Variants in TRAPPC12 observed in about 807,000 individuals in gnomAD.
The protein encoded by TRAPPC12 is TPR repeat protein 15.
Under a neutral mutation model 69.2 loss-of-function variants are expected in TRAPPC12, and 61 were observed. That is an observed-to-expected ratio of 0.88 (90% confidence interval 0.72 to 1.09). The LOEUF is 1.09. TRAPPC12 is among the 50% of genes least tolerant of loss of function. The pLI is 0.00. For missense variants in TRAPPC12, 1,101 were observed against 1,016.4 expected (o/e 1.08, Z -1.13); for synonymous variants, 469 against 438.9 (o/e 1.07, Z -0.86).
chr2:3,438,221 C>T (rs1382508997), intron 5 of TRAPPC12, among the ~76,000 whole-genome samples: 5 of 114,896 alleles, frequency 4.4e-5, no homozygotes, highest in Non-Finnish European at 7.2e-5. Flanking sequence ...TCCCCCACCA[C>T]CCCTGGATTC....
At chr2:3,391,669 T>G (rs1660829527) in intron 2 of TRAPPC12, among the ~76,000 whole-genome samples, 1 of 152,232 alleles carries the variant, frequency 6.6e-6, no homozygotes, top group South Asian at 2.1e-4. Flanking sequence ...TGCAGGATCT[T>G]TTTAATGAAT....
At chr2:3,395,560 C>CTTTTTTTTT (rs10671671) in intron 2 of TRAPPC12, among the ~76,000 whole-genome samples, 3 of 118,148 alleles carry the variant, frequency 2.5e-5, no homozygotes, top group East Asian at 2.4e-4. Flanking sequence ...AAAATTATTA[C>CTTTTTTTTT]TTTTTTTTTT....
At chr2:3,382,280 G>A (rs940512943) in intron 1 of TRAPPC12, among the ~76,000 whole-genome samples, 7 of 151,794 alleles carry the variant, frequency 4.6e-5, no homozygotes, top group Non-Finnish European at 7.4e-5. Flanking sequence ...GACTACAGGC[G>A]CCCGCCACCA....
chr2:3,423,837 A>G (rs1451517587), intron 4 of TRAPPC12, among the ~76,000 whole-genome samples: 2 of 152,206 alleles, frequency 1.3e-5, no homozygotes, highest in African/African-American at 4.8e-5. Context: ...CTGGCTCTGC[A>G]GCTGTCTAAT....
chr2:3,430,913 G>T (rs148637027), intron 5 of TRAPPC12, among the ~76,000 whole-genome samples: 2 of 151,402 alleles, frequency 1.3e-5, no homozygotes, highest in African/African-American at 2.4e-5. Context: ...TGCTGGGACC[G>T]TCCACTGGGT....
intron 5 of TRAPPC12, among the ~76,000 whole-genome samples, chr2:3,437,015 C>A (rs1166370702): frequency 2.3e-5 from 1 of 44,136 alleles, no homozygotes; most frequent in African/African-American, 1.1e-4. Flanking sequence ...TGGATTAATA[C>A]CCCATCACCC....
At chr2:3,388,968 G>A in intron 2 of TRAPPC12, 1 of 324,416 alleles carries the variant, frequency 3.1e-6, no homozygotes, top group Non-Finnish European at 5.5e-6. Flanking sequence ...TTTGACATTT[G>A]AACTCCAGTT....
intron 9 of TRAPPC12, among the ~76,000 whole-genome samples, chr2:3,466,920 A>G (rs1240355081): frequency 6.6e-6 from 1 of 152,230 alleles, no homozygotes; most frequent in Non-Finnish European, 1.5e-5. Flanking sequence ...CCTGGTTATC[A>G]TAGTAAAATA....
At chr2:3,460,205 A>G (rs1665407955) in intron 7 of TRAPPC12, 58 bp from the exon 8 acceptor site, 1 of 867,972 alleles carries the variant, frequency 1.2e-6, no homozygotes, top group Non-Finnish European at 2.0e-6. Flanking sequence ...CCAGTAATTG[A>G]GGGCTAGAAA....
intron 1 of TRAPPC12, among the ~76,000 whole-genome samples, chr2:3,380,147 G>A (rs1270093839): frequency 2.6e-5 from 4 of 152,194 alleles, no homozygotes; most frequent in Non-Finnish European, 2.9e-5. Flanking sequence ...TTGCGGGAAG[G>A]GGAAGCTGCT....
chr2:3,444,274 C>A (rs1192545867), intron 6 of TRAPPC12, among the ~76,000 whole-genome samples: 1 of 152,266 alleles, frequency 6.6e-6, no homozygotes, highest in Admixed American at 6.5e-5. Context: ...CGGAGCAGTA[C>A]TGAAAGCAAT....
chr2:3,457,919 G>T, intron 7 of TRAPPC12: 1 of 1,407,602 alleles, frequency 7.1e-7, no homozygotes, highest in South Asian at 1.6e-5. Context: ...CGCCCGGGGA[G>T]AAGACACGCC....
At chr2:3,421,601 C>T (rs766875581) in intron 3 of TRAPPC12, 38 of 649,170 alleles carry the variant, frequency 5.9e-5, no homozygotes, top group Admixed American at 1.3e-4. Context: ...AGCCTCTTCC[C>T]GATGTTCTAT....
At chr2:3,450,817 G>A (rs1396054995) in intron 6 of TRAPPC12, among the ~76,000 whole-genome samples, 1 of 152,060 alleles carries the variant, frequency 6.6e-6, no homozygotes, top group Non-Finnish European at 1.5e-5. Context: ...CAGCTTCCCA[G>A]TAGTTTGTAT....
intron 2 of TRAPPC12, among the ~76,000 whole-genome samples, chr2:3,395,942 C>G (rs1661104174): frequency 6.6e-6 from 1 of 152,156 alleles, no homozygotes; most frequent in Non-Finnish European, 1.5e-5. Flanking sequence ...GTTGGTCAGG[C>G]TGGTCTCAAT....
chr2:3,410,149 C>T (rs1392703119), intron 3 of TRAPPC12, among the ~76,000 whole-genome samples: 1 of 152,222 alleles, frequency 6.6e-6, no homozygotes. Context: ...GACTGCATGT[C>T]ATTTATAGAC....
intron 6 of TRAPPC12, among the ~76,000 whole-genome samples, chr2:3,453,581 A>G (rs565812789): frequency 4.0e-5 from 6 of 151,842 alleles, no homozygotes; most frequent in African/African-American, 1.2e-4. Flanking sequence ...TCATGCCCCT[A>G]CTCCTCAGAG....
intron 1 of TRAPPC12, among the ~76,000 whole-genome samples, chr2:3,382,166 T>C (rs1660242455): frequency 6.7e-6 from 1 of 149,718 alleles, no homozygotes; most frequent in Non-Finnish European, 1.5e-5. Flanking sequence ...GATGGAGTCT[T>C]ATTCTGCCGC....
At chr2:3,444,198 G>A (rs1321674014) in intron 6 of TRAPPC12, among the ~76,000 whole-genome samples, 1 of 152,244 alleles carries the variant, frequency 6.6e-6, no homozygotes, top group Admixed American at 6.5e-5. Context: ...TTCAAGGTCA[G>A]TGTGCCAGAC....
Sources: gnomAD v4.1 joint callset for allele counts (sites outside exome capture counted in the v4.1 genomes callset) on GRCh38, gnomAD v4.1.1 for gene constraint, MANE v1.5 for transcripts, NCBI Gene and HGNC (gene_info 2026-07-23, HGNC 2026-07-21) for gene names.